PTPRD: variants seen among roughly 807,000 people sequenced by gnomAD.
PTPRD encodes protein tyrosine phosphatase receptor type D, also known as receptor-type tyrosine-protein phosphatase delta.
Under a neutral mutation model 214.5 loss-of-function variants are expected in PTPRD, and 34 were observed. The observed-to-expected ratio is 0.16, with a 90% CI of 0.12 to 0.21. The LOEUF is 0.21. PTPRD is among the 10% of genes least tolerant of loss of function. The pLI is 1.00. For missense variants in PTPRD, 2,545 were observed against 2,398.7 expected (o/e 1.06, Z -1.27); for synonymous variants, 1,128 against 845.7 (o/e 1.33, Z -5.79).
chr9:10,281,613 C>G (rs1229406241), intron 3 of PTPRD, among the ~76,000 whole-genome samples: 1 of 152,098 alleles, frequency 6.6e-6, no homozygotes. Flanking sequence ...ATTTTAGACT[C>G]CATAGATGTG....
intron 4 of PTPRD, among the ~76,000 whole-genome samples, chr9:9,993,862 A>C (rs548765932): frequency 6.6e-6 from 1 of 152,312 alleles, no homozygotes; most frequent in East Asian, 1.9e-4. Context: ...ATACAGACAC[A>C]GTGAATCATG....
chr9:8,579,625 AG>A (rs1316615474), intron 14 of PTPRD, among the ~76,000 whole-genome samples: 22 of 152,244 alleles, frequency 1.4e-4, no homozygotes, highest in Non-Finnish European at 2.9e-4. Context: ...TGCAAACCAA[AG>A]TATTTTAATG....
At chr9:8,778,317 T>G (rs963078197) in intron 11 of PTPRD, among the ~76,000 whole-genome samples, 1 of 152,198 alleles carries the variant, frequency 6.6e-6, no homozygotes, top group African/African-American at 2.4e-5. Flanking sequence ...ATCATATTTT[T>G]GAGACACCAA....
intron 43 of PTPRD, among the ~76,000 whole-genome samples, chr9:8,337,400 T>C (rs1847998310): frequency 6.6e-6 from 1 of 151,808 alleles, no homozygotes; most frequent in South Asian, 2.1e-4. Flanking sequence ...AGTTGAACAA[T>C]GAGAACACAC....
chr9:10,161,039 C>A (rs2099124494), intron 3 of PTPRD, among the ~76,000 whole-genome samples: 1 of 151,712 alleles, frequency 6.6e-6, no homozygotes, highest in Non-Finnish European at 1.5e-5. Context: ...TAGGAGAAAA[C>A]TACAAAATAC....
chr9:9,402,303 G>T (rs1223088325), intron 8 of PTPRD, among the ~76,000 whole-genome samples: 1 of 152,094 alleles, frequency 6.6e-6, no homozygotes, highest in Non-Finnish European at 1.5e-5. Flanking sequence ...TGCAACATTT[G>T]TCAATCTTAA....
chr9:9,091,200 T>A, intron 10 of PTPRD: 1 of 1,513,664 alleles, frequency 6.6e-7, no homozygotes, highest in South Asian at 1.1e-5. Context: ...CACCCCGATT[T>A]AGACCTGCGG....
chr9:10,412,053 G>C (rs914051565), intron 2 of PTPRD, among the ~76,000 whole-genome samples: 1 of 151,710 alleles, frequency 6.6e-6, no homozygotes, highest in Non-Finnish European at 1.5e-5. Flanking sequence ...TTAATGCTGA[G>C]TGTCCATTTC....
At chr9:9,014,569 G>A (rs192194039) in intron 11 of PTPRD, among the ~76,000 whole-genome samples, 127 of 152,206 alleles carry the variant, frequency 8.3e-4, no homozygotes, top group African/African-American at 2.8e-3. Context: ...GGAATAATCC[G>A]AAGAGGAAAT....
intron 4 of PTPRD, among the ~76,000 whole-genome samples, chr9:9,999,443 T>C (rs989211553): frequency 5.3e-5 from 8 of 152,160 alleles, no homozygotes; most frequent in African/African-American, 1.4e-4. Flanking sequence ...CTCTCAAAAT[T>C]TGCCACCAAA....
In PTPRD at chr9:9,412,461, G is replaced by C. The variant is rs187905129; in HGVS notation, c.-236-14979C>G. Reference sequence around the variant, plus strand: ...CCATACAGGTCTGGGCACAGATAGAGACTCTCATCCCCCAAGGCCATTATA... The same window carrying C: ...CCATACAGGTCTGGGCACAGATAGACACTCTCATCCCCCAAGGCCATTATA... On this transcript the variant is annotated intron_variant, in intron 8 of 45. Transcript: ENST00000381196. Among the ~76,000 whole-genome samples, 10 of 151,076 alleles carry C rather than the reference G, an allele frequency of 6.6e-5. No individual in the cohort carries two copies. The East Asian group carries it at 1.6e-3, about 24-fold the overall frequency.
intron 40 of PTPRD, among the ~76,000 whole-genome samples, 169 bp downstream of exon 40, chr9:8,341,524 A>C (rs1852449703): frequency 6.6e-6 from 1 of 152,120 alleles, no homozygotes; most frequent in Admixed American, 6.6e-5. Flanking sequence ...TAGGAAGCAA[A>C]GAATAGAAGA....
intron 9 of PTPRD, among the ~76,000 whole-genome samples, chr9:9,390,884 C>A (rs2065598410): frequency 6.6e-6 from 1 of 152,060 alleles, no homozygotes; most frequent in South Asian, 2.1e-4. Flanking sequence ...GGGGTAGTGA[C>A]CTGGCAAATA....
intron 10 of PTPRD, among the ~76,000 whole-genome samples, chr9:9,041,555 T>G (rs763953095): frequency 5.3e-5 from 8 of 152,236 alleles, no homozygotes; most frequent in Non-Finnish European, 1.2e-4. Flanking sequence ...TCATTCTTTT[T>G]GATGGCTGCA....
At chr9:10,519,674 G>A (rs2051495950) in intron 2 of PTPRD, among the ~76,000 whole-genome samples, 1 of 152,006 alleles carries the variant, frequency 6.6e-6, no homozygotes, top group Non-Finnish European at 1.5e-5. Flanking sequence ...AATAGCATGT[G>A]CTCAACTCAT....
intron 11 of PTPRD, among the ~76,000 whole-genome samples, chr9:9,007,737 T>A (rs991214456): frequency 3.3e-5 from 5 of 150,564 alleles, no homozygotes; most frequent in Non-Finnish European, 7.4e-5. Flanking sequence ...ATCCTTTTTT[T>A]TTTTTTCATT....
At chr9:8,582,749 A>C (rs2093290832) in intron 14 of PTPRD, among the ~76,000 whole-genome samples, 1 of 152,218 alleles carries the variant, frequency 6.6e-6, no homozygotes. Context: ...ATTGGCAAGG[A>C]TATGTAGAAG....
chr9:9,951,821 G>A (rs987504828), intron 4 of PTPRD, among the ~76,000 whole-genome samples: 1 of 152,232 alleles, frequency 6.6e-6, no homozygotes, highest in Admixed American at 6.5e-5. Context: ...GATTACATAT[G>A]TAGCAGTCAA....
At chr9:10,061,480 G>A (rs1472890848) in intron 3 of PTPRD, among the ~76,000 whole-genome samples, 2 of 151,988 alleles carry the variant, frequency 1.3e-5, no homozygotes, top group Non-Finnish European at 2.9e-5. Context: ...ATTGTCTGTG[G>A]TAGCTTTTTT....
Sources: gnomAD v4.1 joint callset for allele counts (sites outside exome capture counted in the v4.1 genomes callset) on GRCh38, gnomAD v4.1.1 for gene constraint, MANE v1.5 for transcripts, NCBI Gene and HGNC (gene_info 2026-07-23, HGNC 2026-07-21) for gene names.